Variants in SNCAIP observed in about 807,000 individuals in gnomAD.
The protein encoded by SNCAIP is synuclein alpha interacting protein.
SNCAIP carries 43 observed loss-of-function variants against 86.7 expected under a neutral mutation model. The observed-to-expected ratio is 0.50, with a 90% CI of 0.39 to 0.64. SNCAIP has a LOEUF of 0.64. SNCAIP is among the 30% of genes least tolerant of loss of function. The pLI is 0.00. For synonymous variants in SNCAIP, 417 were observed against 427.2 expected (o/e 0.98, Z 0.29); for missense variants, 981 against 1,103.1 (o/e 0.89, Z 1.57).
At chr5:122,384,489 T>A (rs1767670059) in intron 1 of SNCAIP, among the ~76,000 whole-genome samples, 1 of 152,182 alleles carries the variant, frequency 6.6e-6, no homozygotes, top group South Asian at 2.1e-4. Flanking sequence ...GAAGCCCTGG[T>A]TGCGTGAATT....
At chr5:122,396,477 T>G (rs1232599447) in intron 2 of SNCAIP, among the ~76,000 whole-genome samples, 1 of 152,324 alleles carries the variant, frequency 6.6e-6, no homozygotes, top group African/African-American at 2.4e-5. Context: ...CTGGAAGTTC[T>G]TATCTTGCCT....
intron 6 of SNCAIP, among the ~76,000 whole-genome samples, chr5:122,434,869 G>A (rs1261051041): frequency 6.6e-6 from 1 of 152,144 alleles, no homozygotes; most frequent in Non-Finnish European, 1.5e-5. Context: ...ACATCCAGCA[G>A]GCATTTGAGT....
intron 1 of SNCAIP, among the ~76,000 whole-genome samples, chr5:122,385,519 C>G (rs1767924123): frequency 6.6e-6 from 1 of 152,220 alleles, no homozygotes. Flanking sequence ...ACTGAGCCAA[C>G]TGGGGACAAC....
At chr5:122,369,149 C>G (rs74723464) in intron 1 of SNCAIP, among the ~76,000 whole-genome samples, 17,953 of 152,134 alleles carry the variant, frequency 0.12, 1,164 homozygotes, top group South Asian at 0.24. Context: ...CAAGTTTCAG[C>G]CATCCTTTCT....
intron 2 of SNCAIP, among the ~76,000 whole-genome samples, chr5:122,394,159 G>A (rs566080400): frequency 6.6e-6 from 1 of 152,164 alleles, no homozygotes; most frequent in African/African-American, 2.4e-5. Flanking sequence ...TAAGTGGCAG[G>A]AGGGGGAGGA....
At chr5:122,403,130 G>A (rs1374658244) in intron 2 of SNCAIP, among the ~76,000 whole-genome samples, 1 of 152,132 alleles carries the variant, frequency 6.6e-6, no homozygotes, top group Non-Finnish European at 1.5e-5. Context: ...GCCAGCCTCT[G>A]AGTCGGTGCT....
intron 3 of SNCAIP, among the ~76,000 whole-genome samples, chr5:122,404,114 A>T (rs1298166917): frequency 6.6e-6 from 1 of 152,170 alleles, no homozygotes; most frequent in African/African-American, 2.4e-5. Flanking sequence ...AATATGGGAG[A>T]TCATCTCGGC....
chr5:122,359,361 A>ATTTATTTATTTATTT (rs1554085994), intron 1 of SNCAIP, among the ~76,000 whole-genome samples: 1 of 149,232 alleles, frequency 6.7e-6, no homozygotes, highest in African/African-American at 2.5e-5. Context: ...TTATTTATTT[A>ATTTATTTATTTATTT]TTTATTTATT....
chr5:122,390,947 A>G, intron 1 of SNCAIP, 142 bp from the exon 2 acceptor site: 1 of 608,394 alleles, frequency 1.6e-6, no homozygotes, highest in Non-Finnish European at 3.0e-6. Flanking sequence ...GGCTGTGGAC[A>G]GTTGAAGGAA....
intron 1 of SNCAIP, among the ~76,000 whole-genome samples, chr5:122,326,606 CTTTTTTTTTTTTTTTTTTTT>C (rs11297385): frequency 1.2e-4 from 5 of 42,130 alleles, no homozygotes; most frequent in Admixed American, 6.8e-4. Context: ...GAAATGTCTC[CTTTTTTTTTTTTTTTTTTTT>C]TTTTTTTTTT....
intron 10 of SNCAIP, among the ~76,000 whole-genome samples, chr5:122,452,701 C>G (rs1298025349): frequency 1.3e-5 from 2 of 152,136 alleles, no homozygotes; most frequent in Non-Finnish European, 2.9e-5. Flanking sequence ...TTAAATGTGT[C>G]AAAACTTAAG....
intron 3 of SNCAIP, among the ~76,000 whole-genome samples, chr5:122,416,416 T>C (rs1718351259): frequency 6.6e-6 from 1 of 152,180 alleles, no homozygotes; most frequent in Admixed American, 6.5e-5. Context: ...CACATTACCC[T>C]TACTAGAGGG....
chr5:122,439,848 A>G (rs1057228476), intron 6 of SNCAIP, among the ~76,000 whole-genome samples: 2 of 152,192 alleles, frequency 1.3e-5, no homozygotes, highest in African/African-American at 4.8e-5. Context: ...CTTTCTCCAA[A>G]GGCCAAGCAT....
intron 1 of SNCAIP, among the ~76,000 whole-genome samples, chr5:122,335,508 T>G (rs1353367677): frequency 6.6e-6 from 1 of 152,236 alleles, no homozygotes; most frequent in East Asian, 1.9e-4. Flanking sequence ...CTGCCATAAC[T>G]TTTAAAGCAC....
chr5:122,415,188 T>C (rs1775050940), intron 3 of SNCAIP, among the ~76,000 whole-genome samples: 1 of 152,206 alleles, frequency 6.6e-6, no homozygotes, highest in Non-Finnish European at 1.5e-5. Flanking sequence ...CCTCCCACTT[T>C]GTATGCCACT....
intron 1 of SNCAIP, among the ~76,000 whole-genome samples, chr5:122,320,503 G>A (rs1752696038): frequency 6.6e-6 from 1 of 152,122 alleles, no homozygotes; most frequent in Non-Finnish European, 1.5e-5. Flanking sequence ...TCGAAATAAA[G>A]CGTGGTAAGT....
At chr5:122,322,812 T>C (rs1753240171) in intron 1 of SNCAIP, among the ~76,000 whole-genome samples, 1 of 152,252 alleles carries the variant, frequency 6.6e-6, no homozygotes, top group South Asian at 2.1e-4. Flanking sequence ...TTTGATGATC[T>C]TGTCTTTACT....
intron 1 of SNCAIP, among the ~76,000 whole-genome samples, chr5:122,347,882 C>A (rs144847420): frequency 6.6e-6 from 1 of 151,988 alleles, no homozygotes; most frequent in Admixed American, 6.6e-5. Context: ...CCCCTGATAA[C>A]GATTTTCTTT....
intron 1 of SNCAIP, among the ~76,000 whole-genome samples, chr5:122,333,681 G>C (rs1371069710): frequency 6.6e-6 from 1 of 152,148 alleles, no homozygotes; most frequent in Non-Finnish European, 1.5e-5. Context: ...CATTTCCCTT[G>C]AGTGCTTAAG....
Sources: allele counts gnomAD v4.1 joint callset (sites outside exome capture counted in the v4.1 genomes callset), GRCh38; gene constraint gnomAD v4.1.1; transcripts MANE v1.5; gene names NCBI Gene and HGNC (gene_info 2026-07-23, HGNC 2026-07-21).